The following CCNJL variants were observed in gnomAD, a reference collection of about 807,000 sequenced individuals.
CCNJL encodes cyclin-J-like protein.
In CCNJL, 33 loss-of-function variants were observed where a neutral mutation model predicts 33.4. The observed-to-expected ratio is 0.99, with a 90% CI of 0.75 to 1.32. CCNJL has a LOEUF of 1.32. Ranked by LOEUF, CCNJL falls within the 40% of genes most tolerant of loss-of-function variation. CCNJL has a pLI of 0.00. For synonymous variants in CCNJL, 227 were observed against 220.9 expected (o/e 1.03, Z -0.24); for missense variants, 512 against 499.7 (o/e 1.02, Z -0.23).
intron 2 of CCNJL, among the ~76,000 whole-genome samples, chr5:160,310,924 G>A (rs1319518373): frequency 6.6e-6 from 1 of 152,090 alleles, no homozygotes; most frequent in Non-Finnish European, 1.5e-5. Context: ...CCTTGATCTG[G>A]GATCTTCAGC....
At chr5:160,270,200 T>C (rs1023302458) in intron 3 of CCNJL, among the ~76,000 whole-genome samples, 3 of 151,978 alleles carry the variant, frequency 2.0e-5, no homozygotes. Context: ...TCCCAGCACT[T>C]TGGGAGGCCG....
Position 160,254,448 on chromosome 5 carries a change from G to A in CCNJL, c.744-650C>T, listed in dbSNP as rs1759033019. On this transcript the variant is annotated intron_variant, in intron 5 of 5. Coordinates refer to ENST00000257536, the MANE Select transcript of CCNJL (RefSeq NM_001308173.3). ...GCACCGACACTCAGACCAGGCTTTGGGGACCTTCTCAAAAACACAAATTTT... is the reference window on the plus strand; with the variant it reads ...GCACCGACACTCAGACCAGGCTTTGAGGACCTTCTCAAAAACACAAATTTT... 4.2e-5 allele frequency: 21 copies of A among 505,708 alleles called. No individual in the cohort carries two copies. The South Asian group carries it at 4.5e-4, about 11-fold the overall frequency. The allele number at this position is 505,708 out of a possible 1,614,324, so 31.3% of individuals were successfully genotyped here.
intron 3 of CCNJL, among the ~76,000 whole-genome samples, chr5:160,267,616 G>A (rs1015300185): frequency 6.6e-6 from 1 of 152,162 alleles, no homozygotes; most frequent in Non-Finnish European, 1.5e-5. Context: ...CATAATAAGT[G>A]TATCTATCTG....
intron 4 of CCNJL, among the ~76,000 whole-genome samples, chr5:160,257,775 G>A (rs1224259229): frequency 6.6e-6 from 1 of 152,010 alleles, no homozygotes; most frequent in Non-Finnish European, 1.5e-5. Context: ...ATGAGATAAT[G>A]TATGCAAAGC....
intron 1 of CCNJL, among the ~76,000 whole-genome samples, chr5:160,329,143 A>T (rs1206390725): frequency 2.0e-5 from 3 of 152,126 alleles, no homozygotes; most frequent in African/African-American, 7.2e-5. Flanking sequence ...GTTAAAAACA[A>T]TTTATGAGAC....
chr5:160,333,111 C>T (rs1354653785), intron 1 of CCNJL, among the ~76,000 whole-genome samples: 1 of 151,928 alleles, frequency 6.6e-6, no homozygotes, highest in Admixed American at 6.6e-5. Flanking sequence ...ATATGACTAC[C>T]CAGTCTCTAC....
intron 4 of CCNJL, among the ~76,000 whole-genome samples, chr5:160,256,047 T>A (rs1474812390): frequency 6.6e-6 from 1 of 152,020 alleles, no homozygotes; most frequent in Non-Finnish European, 1.5e-5. Flanking sequence ...TACAAACACA[T>A]CTGGCTAATT....
intron 1 of CCNJL, among the ~76,000 whole-genome samples, chr5:160,320,778 T>TCTTTCC: frequency 6.8e-6 from 1 of 147,200 alleles, no homozygotes; most frequent in Non-Finnish European, 1.5e-5. Flanking sequence ...TTTCTTTCTT[T>TCTTTCC]TCTTTCTTTC....
Position 160,311,959 on chromosome 5 carries a change from T to C in CCNJL, c.-36A>G. The stretch of plus-strand genomic sequence containing the variant: ...GCGCCGCTATCCGAGGCTACCCGGC[T>C]CTCAGGGCGCACCCTGCGTGGACAC... On this transcript the variant is annotated 5_prime_UTR_variant, in exon 2 of 6. Transcript: ENST00000257536. The C allele has an allele frequency of 6.2e-7, 1 of 1,605,896 alleles. No homozygotes were observed. The highest frequency in any genetic ancestry group is 8.5e-7 in the Non-Finnish European group (1 of 1,172,958).
At chr5:160,319,768 T>A (rs1045670838) in intron 1 of CCNJL, among the ~76,000 whole-genome samples, 3 of 151,782 alleles carry the variant, frequency 2.0e-5, no homozygotes, top group East Asian at 1.9e-4. Flanking sequence ...GTTTCTACAA[T>A]TTTTTTTGTT....
chr5:160,254,184 G>C (rs1227677042), intron 5 of CCNJL: 3 of 485,222 alleles, frequency 6.2e-6, no homozygotes, highest in East Asian at 3.3e-5. Context: ...CCCATCCCCT[G>C]GCACTGGAGT....
intron 1 of CCNJL, 37 bp from the exon 2 acceptor site, chr5:160,312,009 AC>A (rs1321867996): frequency 7.3e-7 from 1 of 1,368,198 alleles, no homozygotes; most frequent in Non-Finnish European, 1.0e-6. Context: ...GCCAGAGCGT[AC>A]CCCGGGCTCC....
intron 2 of CCNJL, among the ~76,000 whole-genome samples, chr5:160,308,953 C>T (rs1191030488): frequency 1.3e-5 from 2 of 152,222 alleles, no homozygotes; most frequent in African/African-American, 4.8e-5. Flanking sequence ...GACCCTGAGA[C>T]ATGAACAAGC....
upstream of CCNJL, among the ~76,000 whole-genome samples, chr5:160,315,932 G>A (rs373466086): frequency 2.5e-3 from 383 of 152,240 alleles, 3 homozygotes; most frequent in African/African-American, 8.7e-3. Context: ...TCACTAATAT[G>A]TACTGCCCTT....
chr5:160,260,966 T>G (rs1424517706), intron 3 of CCNJL: 2 of 152,322 alleles, frequency 1.3e-5, no homozygotes, highest in Non-Finnish European at 2.9e-5. Context: ...GCCAGCCTCA[T>G]GGGGTGTGGA....
intron 3 of CCNJL, among the ~76,000 whole-genome samples, chr5:160,270,926 C>A (rs1041684637): frequency 3.3e-5 from 5 of 152,118 alleles, no homozygotes; most frequent in African/African-American, 1.2e-4. Flanking sequence ...TTACAAGTAC[C>A]TACAAGTCGG....
intron 3 of CCNJL, among the ~76,000 whole-genome samples, chr5:160,272,901 A>G (rs564703327): frequency 6.6e-6 from 1 of 152,250 alleles, no homozygotes; most frequent in Non-Finnish European, 1.5e-5. Context: ...GTCACTGTAC[A>G]GCAGTGAAAA....
At chr5:160,309,606 CT>C (rs1234120690) in intron 2 of CCNJL, among the ~76,000 whole-genome samples, 1 of 152,220 alleles carries the variant, frequency 6.6e-6, no homozygotes, top group Non-Finnish European at 1.5e-5. Context: ...GCCCTCATTC[CT>C]CAAGAAAGGC....
rs1761031162 is a variant in CCNJL, at chr5:160,255,670, C to T, written c.622G>A (p.Ala208Thr). The T allele has an allele frequency of 1.2e-6, 2 of 1,614,074 alleles. No individual in the cohort carries two copies. Among genetic ancestry groups the T allele is most frequent in the Non-Finnish European group, 1.7e-6 (2 of 1,180,044 alleles). ...FYKFQPSVVA[A>T]ACVGASRICL... ...ATCCTGGAGGCCCCAACACAGGCCGCAGCGACCACAGAAGGCTGGAATTTG... is the reference window on the plus strand; with the variant it reads ...ATCCTGGAGGCCCCAACACAGGCCGTAGCGACCACAGAAGGCTGGAATTTG... The change falls in exon 5 of 6, where the codon GCG becomes ACG. Residue 208 changes from alanine (A) to threonine (T), a missense_variant. Transcript: ENST00000257536.
Sources: allele counts gnomAD v4.1 joint callset (sites outside exome capture counted in the v4.1 genomes callset), GRCh38; gene constraint gnomAD v4.1.1; transcripts MANE v1.5; gene names NCBI Gene and HGNC (gene_info 2026-07-23, HGNC 2026-07-21).